The following CSGALNACT1 variants were observed in gnomAD, a reference collection of about 807,000 sequenced individuals.
CSGALNACT1 encodes the protein beta4GalNAcT-1.
Under a neutral mutation model 51.0 loss-of-function variants are expected in CSGALNACT1, and 52 were observed. The ratio of observed to expected loss-of-function variants is 1.02; its 90% CI spans 0.82 to 1.29. The LOEUF is 1.29. Among genes scored for constraint, CSGALNACT1 ranks in the 50% most tolerant of loss-of-function variants. The pLI is 0.00. For missense variants in CSGALNACT1, 935 were observed against 679.2 expected, an observed-to-expected ratio of 1.38 and a Z score of -4.19; for synonymous variants, 341 against 254.4, an observed-to-expected ratio of 1.34 and a Z score of -3.24.
chr8:19,440,115 T>C (rs1250039791), intron 5 of CSGALNACT1, among the ~76,000 whole-genome samples, 184 bp from the exon 5 acceptor site: 2 of 152,192 alleles, frequency 1.3e-5, no homozygotes, highest in Non-Finnish European at 2.9e-5. Context: ...TTTGTATTCA[T>C]CTTATCGGGA....
intron 1 of CSGALNACT1, among the ~76,000 whole-genome samples, chr8:19,663,311 G>C (rs766700759): frequency 7.2e-5 from 11 of 152,122 alleles, no homozygotes; most frequent in Non-Finnish European, 1.5e-4. Flanking sequence ...TACGATGGTT[G>C]AAGGATACAA....
intron 4 of CSGALNACT1, among the ~76,000 whole-genome samples, chr8:19,495,741 T>C (rs552588216): frequency 6.6e-6 from 1 of 152,312 alleles, no homozygotes; most frequent in South Asian, 2.1e-4. Flanking sequence ...TCCTCAGGGT[T>C]TAAAGTCTTG....
intron 1 of CSGALNACT1, among the ~76,000 whole-genome samples, chr8:19,673,752 C>T (rs1251320563): frequency 6.6e-6 from 1 of 152,196 alleles, no homozygotes; most frequent in African/African-American, 2.4e-5. Flanking sequence ...ACAATTTCTG[C>T]AGCGTTCTTT....
intron 6 of CSGALNACT1, among the ~76,000 whole-genome samples, chr8:19,434,897 A>G (rs1393590793): frequency 1.3e-5 from 2 of 152,174 alleles, no homozygotes; most frequent in Non-Finnish European, 2.9e-5. Flanking sequence ...GACAAACAAA[A>G]AGCCTGGAAC....
chr8:19,614,211 T>C (rs1055018877), intron 1 of CSGALNACT1, among the ~76,000 whole-genome samples: 2 of 152,220 alleles, frequency 1.3e-5, no homozygotes, highest in African/African-American at 4.8e-5. Context: ...TCAATACTCC[T>C]GACTGCCTGA....
intron 1 of CSGALNACT1, among the ~76,000 whole-genome samples, chr8:19,666,915 G>A (rs1474524125): frequency 4.4e-5 from 6 of 137,904 alleles, no homozygotes; most frequent in Admixed American, 2.2e-4. Flanking sequence ...GGGAGGAAGG[G>A]AGGAAGGGAG....
intron 3 of CSGALNACT1, among the ~76,000 whole-genome samples, chr8:19,569,755 C>T (rs559070368): frequency 2.0e-5 from 3 of 152,102 alleles, no homozygotes; most frequent in South Asian, 2.1e-4. Context: ...CCAGAAAGCA[C>T]GAACAAGGAT....
chr8:19,496,131 C>T (rs1053325549), intron 4 of CSGALNACT1, among the ~76,000 whole-genome samples: 4 of 152,158 alleles, frequency 2.6e-5, no homozygotes, highest in Non-Finnish European at 5.9e-5. Flanking sequence ...AACAGCCTTA[C>T]TTTTTAAGAT....
At chr8:19,712,247 G>A (rs542002741) in intron 1 of CSGALNACT1, among the ~76,000 whole-genome samples, 1 of 151,926 alleles carries the variant, frequency 6.6e-6, no homozygotes, top group Non-Finnish European at 1.5e-5. Flanking sequence ...GGATGGTCTC[G>A]ATCTCCTGAC....
chr8:19,598,957 A>T (rs948237599), intron 2 of CSGALNACT1, among the ~76,000 whole-genome samples: 7 of 152,278 alleles, frequency 4.6e-5, no homozygotes, highest in African/African-American at 1.7e-4. Context: ...GAGTACAGGA[A>T]CACACTACCA....
intron 3 of CSGALNACT1, among the ~76,000 whole-genome samples, chr8:19,584,175 T>C (rs1223329438): frequency 3.3e-5 from 5 of 152,232 alleles, no homozygotes; most frequent in Non-Finnish European, 7.3e-5. Context: ...CTGCTGTTTT[T>C]TCATCTGCAG....
chr8:19,493,388 G>T (rs1563715548), intron 4 of CSGALNACT1, among the ~76,000 whole-genome samples: 1 of 152,110 alleles, frequency 6.6e-6, no homozygotes, highest in Non-Finnish European at 1.5e-5. Context: ...GCTAATTTTT[G>T]TATGTGTTAC....
chr8:19,492,951 A>G (rs1305577276), intron 4 of CSGALNACT1, among the ~76,000 whole-genome samples: 1 of 152,032 alleles, frequency 6.6e-6, no homozygotes, highest in Non-Finnish European at 1.5e-5. Context: ...TGTCCAGTGT[A>G]TGGCATATTT....
intron 1 of CSGALNACT1, among the ~76,000 whole-genome samples, chr8:19,697,117 T>A (rs1194143042): frequency 6.6e-6 from 1 of 151,972 alleles, no homozygotes; most frequent in Non-Finnish European, 1.5e-5. Context: ...CATTGTCAGA[T>A]CTAGCAGGAG....
chr8:19,730,757 G>A (rs1268308332), intron 1 of CSGALNACT1, among the ~76,000 whole-genome samples: 2 of 152,184 alleles, frequency 1.3e-5, no homozygotes, highest in African/African-American at 4.8e-5. Flanking sequence ...TCTTAGAGTA[G>A]AATGTCCTTT....
At chr8:19,710,839 G>C (rs1446322277) in intron 1 of CSGALNACT1, among the ~76,000 whole-genome samples, 2 of 152,266 alleles carry the variant, frequency 1.3e-5, no homozygotes, top group Non-Finnish European at 2.9e-5. Flanking sequence ...AGGCCAAGGA[G>C]GTGCTGGTAA....
chr8:19,497,546 A>C (rs1484084312), intron 4 of CSGALNACT1, among the ~76,000 whole-genome samples: 2 of 152,224 alleles, frequency 1.3e-5, no homozygotes, highest in Non-Finnish European at 2.9e-5. Flanking sequence ...AATTTAAAAC[A>C]ACCATGAATA....
At chr8:19,407,879 T>TGTGGGCATTTGTGTATATGAATTGTGTGC (rs2054619722) in intron 9 of CSGALNACT1, among the ~76,000 whole-genome samples, 1 of 92,374 alleles carries the variant, frequency 1.1e-5, no homozygotes, top group African/African-American at 3.6e-5. Flanking sequence ...GAATTGTGTG[T>TGTGGGCATTTGTGTATATGAATTGTGTGC]GCATGTGGAC....
intron 6 of CSGALNACT1, among the ~76,000 whole-genome samples, chr8:19,435,115 C>G (rs889534615): frequency 2.0e-5 from 3 of 152,162 alleles, no homozygotes; most frequent in African/African-American, 7.2e-5. Flanking sequence ...CTTTCATGTC[C>G]TTGCTCCTGG....
Sources: allele counts gnomAD v4.1 joint callset (sites outside exome capture counted in the v4.1 genomes callset), GRCh38; gene constraint gnomAD v4.1.1; transcripts MANE v1.5; gene names NCBI Gene and HGNC (gene_info 2026-07-23, HGNC 2026-07-21).